The following LHX5 variants were observed in gnomAD, a reference collection of about 807,000 sequenced individuals.
LHX5 encodes LIM/homeobox protein Lhx5.
In LHX5, 5 loss-of-function variants were observed where a neutral mutation model predicts 30.6. The observed-to-expected ratio is 0.16, with a 90% CI of 0.09 to 0.34. The LOEUF (loss-of-function observed/expected upper bound fraction) is 0.34, where lower values mean the gene tolerates loss of function less well. Among genes scored for constraint, LHX5 ranks in the 10% least tolerant of loss-of-function variants. The pLI is 1.00. For missense variants in LHX5, 458 were observed against 570.6 expected (o/e 0.80, Z 2.01); for synonymous variants, 266 against 252.6 (o/e 1.05, Z -0.50).
Position 113,463,492 on chromosome 12 carries a change from G to A in LHX5, c.907C>T (p.Gln303Ter). 1 of 1,566,378 alleles carries A rather than the reference G, an allele frequency of 6.4e-7. No homozygotes were observed. The highest frequency in any genetic ancestry group is 8.6e-7 in the Non-Finnish European group (1 of 1,163,438). The change falls in exon 5 of 5, where the codon CAG becomes TAG. Residue 303 changes from glutamine (Q) to a stop codon, truncating the protein, a stop_gained. Coordinates refer to ENST00000261731, the MANE Select transcript of LHX5 (RefSeq NM_022363.3). LOFTEE classifies it low-confidence loss of function (END_TRUNC). The surrounding 1 kb of genome is among the most constrained non-coding windows in gnomAD (Gnocchi z 6.7). ...CTGGAGTCGGCCGGGGACTGCGCCTGCGAAGGCGGGCCGTGCGCGAAGAAG... is the reference window on the plus strand; with the variant it reads ...CTGGAGTCGGCCGGGGACTGCGCCTACGAAGGCGGGCCGTGCGCGAAGAAG... The part of the protein sequence containing the change: ...YDFFAHGPPS[Q>*]AQSPADSSFL...
Position 113,465,292 on chromosome 12 carries a change from A to G in LHX5, c.842-1735T>C, listed in dbSNP as rs1383597393. 6.6e-6 allele frequency among the ~76,000 whole-genome samples: 1 copy of G among 152,216 alleles called. No homozygotes were observed. The highest frequency in any genetic ancestry group is 6.5e-5 in the Admixed American group (1 of 15,290). On this transcript the variant is annotated intron_variant, in intron 4 of 4. Coordinates refer to ENST00000261731, the MANE Select transcript of LHX5 (RefSeq NM_022363.3). The surrounding 1 kb of genome is among the most constrained non-coding windows in gnomAD (Gnocchi z 6.7). ...GGAGCCCCAAAGGGACAGGGATGGG[A>G]GACGGCCGCGGCCCGCGGCGAGCCG...
rs528309399 is a variant in LHX5 at position 113,467,591 on chromosome 12, C to T, written c.676-170G>A. 2.0e-5 allele frequency among the ~76,000 whole-genome samples: 3 copies of T among 152,218 alleles called. No homozygotes were observed. The highest frequency in any genetic ancestry group is 4.4e-5 in the Non-Finnish European group (3 of 68,048). On this transcript the variant is annotated intron_variant, in intron 3 of 4. Coordinates refer to ENST00000261731, the MANE Select transcript of LHX5 (RefSeq NM_022363.3). This position sits in a 1 kb window ranked among gnomAD's most constrained non-coding sequence, Gnocchi z 6.3. ...GGCCGGGAGGGGTGGAGAGAGGCTT[C>T]GGCGAACCAGCCAAGGGTGAAGGAT...
At position 113,463,413 on chromosome 12, in the gene LHX5, G is replaced by A. The variant is rs1354820958; in HGVS notation, c.986C>T (p.Pro329Leu). The A allele has an allele frequency of 2.6e-6, 4 of 1,553,728 alleles. No homozygotes were observed. Among genetic ancestry groups the A allele is most frequent in the Middle Eastern group, 1.7e-4 (1 of 5,938 alleles). The change falls in exon 5 of 5, where the codon CCG (proline) becomes CTG (leucine). Residue 329 changes from proline (P) to leucine (L), a missense_variant. Pro to Leu is a moderately conservative substitution (Grantham distance 98, BLOSUM62 -3). Coordinates refer to ENST00000261731, the MANE Select transcript of LHX5 (RefSeq NM_022363.3). This position sits in a 1 kb window ranked among gnomAD's most constrained non-coding sequence, Gnocchi z 6.7. ...GSTPLGALEP[P>L]LAGPHAADNP... ...GTCCGCGGCGTGCGGGCCGGCGAGCGGCGGTTCCAGCGCTCCCAGCGGCGT... is the reference window on the plus strand; with the variant it reads ...GTCCGCGGCGTGCGGGCCGGCGAGCAGCGGTTCCAGCGCTCCCAGCGGCGT...
rs1958211316 is a variant in LHX5 at position 113,465,775 on chromosome 12, G to GAGGCAAATTT, written c.841+1471_841+1480dup. ...TCCGGGCCCAGATTTTGTAGGGAAA[G>GAGGCAAATTT]AGGCAAATTTAGGTGGAGAGAGTCG... On this transcript the variant is annotated intron_variant, in intron 4 of 4. Transcript: ENST00000261731. This position sits in a 1 kb window ranked among gnomAD's most constrained non-coding sequence, Gnocchi z 6.7. 6.6e-6 allele frequency among the ~76,000 whole-genome samples: 1 copy of GAGGCAAATTT among 152,212 alleles called. No homozygotes were observed. The highest frequency in any genetic ancestry group is 2.4e-5 in the African/African-American group (1 of 41,464).
In LHX5 at chr12:113,466,103, G is replaced by A. The variant is rs1958214053; in HGVS notation, c.841+1153C>T. 1.3e-5 allele frequency among the ~76,000 whole-genome samples: 2 copies of A among 152,206 alleles called. No individual in the cohort carries two copies. Among genetic ancestry groups the A allele is most frequent in the South Asian group, 4.1e-4 (2 of 4,830 alleles). The stretch of plus-strand genomic sequence containing the variant: ...CCTTCTGCGTCTACCTGGGTGCCTA[G>A]CTCCTGCCTTGCTAACACTGCCACT... On this transcript the variant is annotated intron_variant, in intron 4 of 4. Transcript: ENST00000261731. This position sits in a 1 kb window ranked among gnomAD's most constrained non-coding sequence, Gnocchi z 6.5.
Position 113,467,306 on chromosome 12 carries a change from C to A in LHX5, c.791G>T (p.Arg264Leu). ...CCCCAACATCTCAGACTCGTCCAAG[C>A]GGCCGCCCAGCGGACGCATGCGCCG... ...SPRRMRPLGG[R>L]LDESEMLGST... Residue 264 changes from arginine to leucine, a missense_variant, in exon 4 of 5, where the codon CGC becomes CTC. This residue lies in a region of LHX5 where 255 missense variants were observed against 246.8 expected (regional missense o/e 1.03). Transcript: ENST00000261731. The surrounding 1 kb of genome is among the most constrained non-coding windows in gnomAD (Gnocchi z 6.3). The A allele has an allele frequency of 6.4e-7, 1 of 1,561,116 alleles. No homozygotes were observed. The highest frequency in any genetic ancestry group is 8.7e-7 in the Non-Finnish European group (1 of 1,149,502).
Position 113,463,579 on chromosome 12 carries a change from G to C in LHX5, c.842-22C>G. 6.7e-7 allele frequency: 1 copy of C among 1,496,232 alleles called. No homozygotes were observed. The allele number at this position is 1,496,232 out of a possible 1,614,324, so 92.7% of individuals were successfully genotyped here. ...TAGTCTGCGGAGGGGGAGCGGGAAG[G>C]AGACAGGGCGCGGTGAGAGAAGGCG... is the stretch of plus-strand genomic sequence containing the variant. On this transcript the variant is annotated intron_variant, in intron 4 of 4. Coordinates refer to ENST00000261731, the MANE Select transcript of LHX5 (RefSeq NM_022363.3). This position sits in a 1 kb window ranked among gnomAD's most constrained non-coding sequence, Gnocchi z 6.7.
In LHX5 at chr12:113,463,372, C is replaced by A; in HGVS notation, c.1027G>T (p.Asp343Tyr). ...PHAADNPRFT[D>Y]MISHPDTPSP... is the part of the protein sequence containing the mutation. ...GGTGTGTCCGGGTGCGAGATCATGTCGGTGAACCTGGGGTTGTCCGCGGCG... is the reference window on the plus strand; with the variant it reads ...GGTGTGTCCGGGTGCGAGATCATGTAGGTGAACCTGGGGTTGTCCGCGGCG... Residue 343 changes from aspartate (D) to tyrosine (Y), a missense_variant, in exon 5 of 5, where the codon GAC becomes TAC. Physicochemically the swap from Asp to Tyr is radical, Grantham distance 160. Coordinates refer to ENST00000261731, the MANE Select transcript of LHX5 (RefSeq NM_022363.3). This position sits in a 1 kb window ranked among gnomAD's most constrained non-coding sequence, Gnocchi z 6.7. The A allele has an allele frequency of 6.4e-7, 1 of 1,553,298 alleles. No individual in the cohort carries two copies. The highest frequency in any genetic ancestry group is 8.7e-7 in the Non-Finnish European group (1 of 1,150,330).
chr12:113,464,474 C>T lies in LHX5; in HGVS notation c.842-917G>A, dbSNP rs1383634741. Among the ~76,000 whole-genome samples the T allele has an allele frequency of 2.6e-5, 4 of 152,240 alleles. No individual in the cohort carries two copies. The highest frequency in any genetic ancestry group is 5.9e-5 in the Non-Finnish European group (4 of 68,040). ...GGTCCCTGCGCCCTACCAACCCAGT[C>T]CAAGTCCTTCGCCTCGCCAAGTACG... On this transcript the variant is annotated intron_variant, in intron 4 of 4. Coordinates refer to ENST00000261731, the MANE Select transcript of LHX5 (RefSeq NM_022363.3). This position sits in a 1 kb window ranked among gnomAD's most constrained non-coding sequence, Gnocchi z 6.2.
In LHX5 at chr12:113,468,404, A is replaced by G. The variant is rs759863615; in HGVS notation, c.398T>C (p.Val133Ala). 6.2e-7 allele frequency: 1 copy of G among 1,605,728 alleles called. No individual in the cohort carries two copies. ...SSLKEGSLNS[V>A]SSCTDRSLSP... is the part of the protein sequence containing the mutation. ...CAAACTGCGGTCCGTACAGGATGAC[A>G]CTGCGGGCGGACGGATCGGGAAGGG... The change falls in exon 3 of 5, where the codon GTG becomes GCG. Residue 133 changes from valine to alanine, a missense_variant and splice_region_variant. Val to Ala is a moderately conservative substitution (Grantham distance 64). Coordinates refer to ENST00000261731, the MANE Select transcript of LHX5 (RefSeq NM_022363.3).
rs1958231314 is a variant in LHX5, at chr12:113,469,109, C to T, written c.397+13G>A. The stretch of plus-strand genomic sequence containing the variant: ...CTAAGGCCTAAGGCTAGTGAGGGGC[C>T]CAGGCTTCCTACCTGAGTTGAGGCT... On this transcript the variant is annotated intron_variant, in intron 2 of 4. Transcript: ENST00000261731. 2 of 1,601,050 alleles carry T rather than the reference C, an allele frequency of 1.2e-6. No individual in the cohort carries two copies. Among genetic ancestry groups the T allele is most frequent in the African/African-American group, 1.3e-5 (1 of 74,726 alleles).
Position 113,462,954 on chromosome 12 carries a change from C to G in LHX5, c.*236G>C. On this transcript the variant is annotated 3_prime_UTR_variant, in exon 5 of 5. Coordinates refer to ENST00000261731, the MANE Select transcript of LHX5 (RefSeq NM_022363.3). The stretch of plus-strand genomic sequence containing the variant: ...GGTCCCAAGAAATTGCTCGCGGTTG[C>G]TGGGAGAGTACTGGCGGTGGGCTGA... 1 of 454,006 alleles carries G rather than the reference C, an allele frequency of 2.2e-6. No homozygotes were observed. The highest frequency in any genetic ancestry group is 3.9e-6 in the Non-Finnish European group (1 of 256,550). The allele number at this position is 454,006 out of a possible 1,614,324, so 28.1% of individuals were successfully genotyped here.
chr12:113,464,220 G>T lies in LHX5; in HGVS notation c.842-663C>A, dbSNP rs932884248. Among the ~76,000 whole-genome samples the T allele has an allele frequency of 1.3e-5, 2 of 152,232 alleles. No individual in the cohort carries two copies. The highest frequency in any genetic ancestry group is 2.9e-5 in the Non-Finnish European group (2 of 68,038). The stretch of plus-strand genomic sequence containing the variant: ...CCCGAAGATGGAGAGAAGTCGATGC[G>T]CCCAGAGAACGCAAGACGGTGGATC... On this transcript the variant is annotated intron_variant, in intron 4 of 4. Coordinates refer to ENST00000261731, the MANE Select transcript of LHX5 (RefSeq NM_022363.3). This position sits in a 1 kb window ranked among gnomAD's most constrained non-coding sequence, Gnocchi z 6.2.
rs981963980 is a variant in LHX5, at chr12:113,462,943, G to C, written c.*247C>G. 2.3e-6 allele frequency: 1 copy of C among 432,134 alleles called. No individual in the cohort carries two copies. The highest frequency in any genetic ancestry group is 4.4e-5 in the Admixed American group (1 of 22,848). 26.8% of individuals were successfully genotyped at this position (432,134 alleles called of 1,614,324 possible). Reference sequence around the variant, plus strand: ...GTATTGACTTTGGTCCCAAGAAATTGCTCGCGGTTGCTGGGAGAGTACTGG... The same window carrying C: ...GTATTGACTTTGGTCCCAAGAAATTCCTCGCGGTTGCTGGGAGAGTACTGG... On this transcript the variant is annotated 3_prime_UTR_variant, in exon 5 of 5. Coordinates refer to ENST00000261731, the MANE Select transcript of LHX5 (RefSeq NM_022363.3).
Position 113,464,692 on chromosome 12 carries a change from C to G in LHX5, c.842-1135G>C, listed in dbSNP as rs112362516. ...TTGCCCCGGGTTGGTTTTGCCAGCA[C>G]CCCCAGGTTCTGAAGCATCTGAGGA... On this transcript the variant is annotated intron_variant, in intron 4 of 4. Transcript: ENST00000261731. The surrounding 1 kb of genome is among the most constrained non-coding windows in gnomAD (Gnocchi z 6.2). Among the ~76,000 whole-genome samples, 1,189 of 152,206 alleles carry G rather than the reference C, an allele frequency of 7.8e-3. 22 individuals carry two copies. Among genetic ancestry groups the G allele is most frequent in the African/African-American group, 0.027 (1,140 of 41,538 alleles).
At position 113,467,317 on chromosome 12, in the gene LHX5, C is replaced by T. The variant is rs1394680851; in HGVS notation, c.780G>A (p.Pro260=). 2 of 1,570,534 alleles carry T rather than the reference C, an allele frequency of 1.3e-6. No homozygotes were observed. Among genetic ancestry groups the T allele is most frequent in the Non-Finnish European group, 1.7e-6 (2 of 1,154,520 alleles). Residue 260 remains proline (P), a synonymous_variant, in exon 4 of 5, where the codon CCG becomes CCA. Transcript: ENST00000261731. This position sits in a 1 kb window ranked among gnomAD's most constrained non-coding sequence, Gnocchi z 6.3. The stretch of plus-strand genomic sequence containing the variant: ...CAGACTCGTCCAAGCGGCCGCCCAG[C>T]GGACGCATGCGCCGCGGACTCCGGA... ...AFFRSPRRMR[P]LGGRLDESEM... is the part of the protein sequence containing the mutation.
Position 113,463,329 on chromosome 12 carries a change from A to G in LHX5, c.1070T>C (p.Leu357Pro), listed in dbSNP as rs1401374467. The G allele has an allele frequency of 6.5e-7, 1 of 1,538,482 alleles. No homozygotes were observed. Among genetic ancestry groups the G allele is most frequent in the Non-Finnish European group, 8.7e-7 (1 of 1,143,412 alleles). The change falls in exon 5 of 5, where the codon CTG (leucine) becomes CCG (proline). Residue 357 changes from leucine to proline, a missense_variant. By Grantham distance (98) the Leu-to-Pro change is moderately conservative (BLOSUM62 -3). Transcript: ENST00000261731. The surrounding 1 kb of genome is among the most constrained non-coding windows in gnomAD (Gnocchi z 6.7). ...GGGCATGGGGTGCAGCGTGCCCGGC[A>G]GGCCTGGCTCGGGGCTCGGTGTGTC... ...HPDTPSPEPG[L>P]PGTLHPMPGE... is the part of the protein sequence containing the mutation.
rs759410509 is a variant in LHX5, at chr12:113,463,301, G to C, written c.1098C>G (p.Gly366=). 1.8e-5 allele frequency: 28 copies of C among 1,529,878 alleles called. No homozygotes were observed. The South Asian group carries it at 3.4e-4, about 18-fold the overall frequency. The allele number at this position is 1,529,878 out of a possible 1,614,324, so 94.8% of individuals were successfully genotyped here. A position where few individuals can be genotyped will look rare whatever the true frequency, so the allele number is the denominator to read the frequency against. Residue 366 remains glycine (G), a synonymous_variant, in exon 5 of 5, where the codon GGC becomes GGG. Coordinates refer to ENST00000261731, the MANE Select transcript of LHX5 (RefSeq NM_022363.3). The surrounding 1 kb of genome is among the most constrained non-coding windows in gnomAD (Gnocchi z 6.7). ...GGCTGGGCCCGCCGCTGAATACCTC[G>C]CCGGGCATGGGGTGCAGCGTGCCCG... The part of the protein sequence containing the change: ...GLPGTLHPMP[G]EVFSGGPSPP...
chr12:113,468,994 A>T (rs1172234420), intron 2 of LHX5, 128 bp downstream of exon 2: 3 of 709,780 alleles, frequency 4.2e-6, no homozygotes, highest in Non-Finnish European at 6.9e-6. Context: ...TTGCCCTAGA[A>T]CTGCCTGGGG....
Sources: allele counts gnomAD v4.1 joint callset (sites outside exome capture counted in the v4.1 genomes callset), GRCh38; gene constraint gnomAD v4.1.1; regional missense constraint gnomAD v4.1.1; non-coding constraint Gnocchi (gnomAD v3.1); transcripts MANE v1.5; gene names NCBI Gene and HGNC (gene_info 2026-07-23, HGNC 2026-07-21).